The following GRSF1 variants were observed in gnomAD, a reference collection of about 807,000 sequenced individuals.
GRSF1 encodes the protein G-rich sequence factor 1.
A neutral mutation model predicts 51.1 loss-of-function variants in GRSF1; 50 were observed. That is an observed-to-expected ratio of 0.98 (90% confidence interval 0.78 to 1.24). GRSF1 has a LOEUF of 1.24. Among genes scored for constraint, GRSF1 ranks in the 50% most tolerant of loss-of-function variants. The pLI is 0.00. For missense variants in GRSF1, 700 were observed against 639.7 expected (o/e 1.09, Z -1.02); for synonymous variants, 293 against 253.3 (o/e 1.16, Z -1.49).
In GRSF1 at chr4:70,836,268, T is replaced by C. The variant is rs745466180; in HGVS notation, c.404A>G (p.Tyr135Cys). The change falls in exon 2 of 10, where the codon TAT (tyrosine) becomes TGT (cysteine). Residue 135 changes from tyrosine to cysteine, a missense_variant. Physicochemically the swap from Tyr to Cys is radical, Grantham distance 194 (BLOSUM62 -2). Transcript: ENST00000254799. ...YLEDLPPPPE[Y>C]ELAPSKLEEE... is the part of the protein sequence containing the mutation. ...TTCTAACTTGGACGGGGCCAATTCA[T>C]ACTCAGGGGGTGGTGGAAGGTCTTC... 3.0e-5 allele frequency: 48 copies of C among 1,606,070 alleles called. No homozygotes were observed. Among genetic ancestry groups the C allele is most frequent in the Admixed American group, 5.2e-5 (3 of 57,984 alleles).
rs149555350 is a variant in GRSF1, at chr4:70,838,799, AC to A, written c.357+671del. 1,750 of 188,102 alleles carry A rather than the reference AC, an allele frequency of 9.3e-3. 12 individuals are homozygous for A. The highest frequency in any genetic ancestry group is 0.016 in the South Asian group (187 of 11,900). The allele number at this position is 188,102 out of a possible 1,614,324, so 11.7% of individuals were successfully genotyped here. ...CAACCCTCAACGCTCCCTCCCATTC[AC>A]CCCCTCCCCCCAACAGCTAAATCTC... On this transcript the variant is annotated intron_variant, in intron 1 of 9. Transcript: ENST00000254799.
chr4:70,824,715 G>A (rs757381553), intron 8 of GRSF1, among the ~76,000 whole-genome samples: 10 of 152,204 alleles, frequency 6.6e-5, no homozygotes, highest in Admixed American at 3.9e-4. Context: ...CCCAGGAGGC[G>A]GAGGTTGCAG....
chr4:70,823,938 T>G (rs1010933663), intron 9 of GRSF1, among the ~76,000 whole-genome samples: 2 of 150,256 alleles, frequency 1.3e-5, no homozygotes, highest in South Asian at 2.1e-4. Flanking sequence ...GATTATTAGT[T>G]TATCAATAGC....
chr4:70,821,191 T>C (rs1001311195), intron 9 of GRSF1, among the ~76,000 whole-genome samples: 2 of 151,490 alleles, frequency 1.3e-5, no homozygotes, highest in Admixed American at 6.6e-5. Context: ...CTTTGGGAGG[T>C]TGAGGCGGGC....
chr4:70,826,370 T>C (rs1197180238), intron 6 of GRSF1, 125 bp from the exon 7 acceptor site: 2 of 753,290 alleles, frequency 2.7e-6, no homozygotes, highest in African/African-American at 1.8e-5. Context: ...AAAGCCAAAA[T>C]GATCTGAAAT....
At chr4:70,823,122 A>C (rs893068374) in intron 9 of GRSF1, among the ~76,000 whole-genome samples, 5 of 149,246 alleles carry the variant, frequency 3.4e-5, no homozygotes, top group African/African-American at 5.0e-5. Flanking sequence ...TAGGCCGGAC[A>C]CAGTGGCTCA....
At chr4:70,821,096 T>G (rs1220215823) in intron 9 of GRSF1, among the ~76,000 whole-genome samples, 1 of 152,214 alleles carries the variant, frequency 6.6e-6, no homozygotes, top group Non-Finnish European at 1.5e-5. Context: ...TATAAATATT[T>G]AACACCAAAG....
rs979777239 is a variant in GRSF1, at chr4:70,820,253, G to T, written c.*634C>A. 1 of 152,572 alleles carries T rather than the reference G, an allele frequency of 6.6e-6. No individual in the cohort carries two copies. The highest frequency in any genetic ancestry group is 1.5e-5 in the Non-Finnish European group (1 of 68,038). 9.5% of individuals were successfully genotyped at this position (152,572 alleles called of 1,614,324 possible). ...ACGCCTTTAGCACAAGGCTTAGAAA[G>T]GCAAAACATTTCTAAAGACATAAAA... On this transcript the variant is annotated 3_prime_UTR_variant, in exon 10 of 10. Transcript: ENST00000254799.
chr4:70,837,897 C>G (rs1734282346), intron 1 of GRSF1, among the ~76,000 whole-genome samples: 1 of 151,834 alleles, frequency 6.6e-6, no homozygotes, highest in South Asian at 2.1e-4. Flanking sequence ...GCCGCAGCCT[C>G]CCAAAGTGCC....
At chr4:70,831,494 C>G in intron 5 of GRSF1, 45 bp downstream of exon 5, 1 of 1,551,986 alleles carries the variant, frequency 6.4e-7, no homozygotes, top group Admixed American at 1.7e-5. Context: ...ATCAAAATGA[C>G]TTAATGTGTA....
In GRSF1 at chr4:70,818,639, G is replaced by A. The variant is rs1018021766; in HGVS notation, c.*2248C>T. The A allele has an allele frequency of 6.6e-6, 1 of 152,162 alleles. No individual in the cohort carries two copies. The highest frequency in any genetic ancestry group is 1.5e-5 in the Non-Finnish European group (1 of 68,046). 9.4% of individuals were successfully genotyped at this position (152,162 alleles called of 1,614,324 possible). A position where few individuals can be genotyped will look rare whatever the true frequency, so the allele number is the denominator to read the frequency against. On this transcript the variant is annotated 3_prime_UTR_variant, in exon 10 of 10. Coordinates refer to ENST00000254799, the MANE Select transcript of GRSF1 (RefSeq NM_002092.4). Reference sequence around the variant, plus strand: ...TATTCAGATGAGACCACAATATTCAGCAATCAGCTCCCTGGTATTTACATA... The same window carrying A: ...TATTCAGATGAGACCACAATATTCAACAATCAGCTCCCTGGTATTTACATA...
At chr4:70,824,459 A>G (rs1479270783) in intron 8 of GRSF1, 91 bp from the exon 9 acceptor site, 16 of 703,186 alleles carry the variant, frequency 2.3e-5, no homozygotes, top group Non-Finnish European at 3.8e-5. Context: ...AGCAACTCAA[A>G]CCCTTTGCCC....
intron 8 of GRSF1, among the ~76,000 whole-genome samples, 186 bp downstream of exon 8, chr4:70,825,110 C>A (rs556837054): frequency 6.6e-6 from 1 of 151,872 alleles, no homozygotes; most frequent in African/African-American, 2.4e-5. Flanking sequence ...AAGAGATTTG[C>A]AGGATAATTA....
chr4:70,832,248 A>T, intron 4 of GRSF1, 59 bp downstream of exon 4: 1 of 1,462,438 alleles, frequency 6.8e-7, no homozygotes, highest in Non-Finnish European at 9.5e-7. Context: ...TAAGATATAG[A>T]AGGAGATACC....
rs774367741 is a variant in GRSF1, at chr4:70,833,275, TAA to T, written c.515-4_515-3del. 18 of 1,612,650 alleles carry T rather than the reference TAA, an allele frequency of 1.1e-5. No individual in the cohort carries two copies. Among genetic ancestry groups the T allele is most frequent in the Non-Finnish European group, 1.5e-5 (18 of 1,179,238 alleles). ...TCTCACCGTTGCGGATTCTGCAGTC[TAA>T]AAGTGTATGAGCAAAATCAATTGAA... On this transcript the variant is annotated splice_region_variant and splice_polypyrimidine_tract_variant and intron_variant, in intron 2 of 9. Transcript: ENST00000254799.
chr4:70,839,279 C>G (rs115486640), intron 1 of GRSF1, 192 bp downstream of exon 1: 23,418 of 1,494,346 alleles, frequency 0.016, 230 homozygotes, highest in Middle Eastern at 0.026. Context: ...GCAGAAGACC[C>G]GACGCCTGGG....
chr4:70,817,048 G>A lies in GRSF1; in HGVS notation c.*3839C>T, dbSNP rs1733340941. On this transcript the variant is annotated 3_prime_UTR_variant, in exon 10 of 10. Transcript: ENST00000254799. ...CCACTAACACTTGCTTATAAATAAAGTAAAAGTCACTGCAAGCTTACACTA... is the reference window on the plus strand; with the variant it reads ...CCACTAACACTTGCTTATAAATAAAATAAAAGTCACTGCAAGCTTACACTA... 4 of 152,120 alleles carry A rather than the reference G, an allele frequency of 2.6e-5. No homozygotes were observed. Among genetic ancestry groups the A allele is most frequent in the Non-Finnish European group, 1.5e-5 (1 of 68,006 alleles). The allele number at this position is 152,120 out of a possible 1,614,324, so 9.4% of individuals were successfully genotyped here. A position where few individuals can be genotyped will look rare whatever the true frequency, so the allele number is the denominator to read the frequency against.
At chr4:70,836,027 G>A (rs903990715) in intron 2 of GRSF1, 131 bp downstream of exon 2, 5 of 521,324 alleles carry the variant, frequency 9.6e-6, no homozygotes, top group South Asian at 3.8e-5. Flanking sequence ...GAAGGTGACA[G>A]CGTAGTCTGA....
intron 2 of GRSF1, 101 bp from the exon 3 acceptor site, chr4:70,833,374 C>T: frequency 1.0e-6 from 1 of 973,524 alleles, no homozygotes; most frequent in Non-Finnish European, 1.6e-6. Flanking sequence ...AAGCAGGAAA[C>T]AAGTGTCATA....
Sources: allele counts gnomAD v4.1 joint callset (sites outside exome capture counted in the v4.1 genomes callset), GRCh38; gene constraint gnomAD v4.1.1; transcripts MANE v1.5; gene names NCBI Gene and HGNC (gene_info 2026-07-23, HGNC 2026-07-21).